The following ENKUR variants were observed in gnomAD, a reference collection of about 807,000 sequenced individuals.
ENKUR encodes enkurin.
Under a neutral mutation model 27.6 loss-of-function variants are expected in ENKUR, and 19 were observed. That is an observed-to-expected ratio of 0.69 (90% confidence interval 0.48 to 1.01). The LOEUF (loss-of-function observed/expected upper bound fraction) is 1.01. Among genes scored for constraint, ENKUR ranks in the 50% least tolerant of loss-of-function variants. ENKUR has a pLI of 0.00. For synonymous variants in ENKUR, 117 were observed against 96.9 expected (o/e 1.21, Z -1.22); for missense variants, 312 against 310.5 (o/e 1.00, Z -0.04).
chr10:25,061,374 AAGG>A, intron 1 of ENKUR: 1 of 556,780 alleles, frequency 1.8e-6, no homozygotes. Context: ...TGGGCTCTGG[AAGG>A]AGGAGTAACA....
At position 24,983,108 on chromosome 10, in the gene ENKUR, G is replaced by T. The variant is rs899770596; in HGVS notation, c.*1262C>A. On this transcript the variant is annotated 3_prime_UTR_variant, in exon 6 of 6. Transcript: ENST00000331161. ...GATCAACAGAGTCACCAGACAAAAGGAGACTGGGTCCCTGAGTGACTGCAT... is the reference window on the plus strand; with the variant it reads ...GATCAACAGAGTCACCAGACAAAAGTAGACTGGGTCCCTGAGTGACTGCAT... 6 of 152,198 alleles carry T rather than the reference G, an allele frequency of 3.9e-5. No individual in the cohort carries two copies. Among genetic ancestry groups the T allele is most frequent in the Non-Finnish European group, 8.8e-5 (6 of 68,044 alleles). The allele number at this position is 152,198 out of a possible 1,614,324, so 9.4% of individuals were successfully genotyped here. A position where few individuals can be genotyped will look rare whatever the true frequency, so the allele number is the denominator to read the frequency against.
In ENKUR at chr10:25,023,350, A is replaced by C. The variant is rs137957753; in HGVS notation, c.38-27481T>G. 1,168 of 1,614,054 alleles carry C rather than the reference A, an allele frequency of 7.2e-4. 1 individual carries two copies. The highest frequency in any genetic ancestry group is 9.3e-4 in the Non-Finnish European group (1,095 of 1,180,012). ...AAGAACCTTTGCACTTGCGGAATTG[A>C]GGAAGTCATGGTATTCAACCCACTC... On this transcript the variant is annotated intron_variant, in intron 2 of 5. Transcript: ENST00000615958.
intron 1 of ENKUR, among the ~76,000 whole-genome samples, chr10:25,006,531 C>G (rs1850317979): frequency 6.6e-6 from 1 of 152,186 alleles, no homozygotes; most frequent in Admixed American, 6.5e-5. Flanking sequence ...TTGTTTCAGA[C>G]TTTAAGCAAA....
At chr10:25,056,027 T>C (rs1851252150) in intron 2 of ENKUR, among the ~76,000 whole-genome samples, 1 of 147,670 alleles carries the variant, frequency 6.8e-6, no homozygotes, top group African/African-American at 2.4e-5. Flanking sequence ...ATTGTCATTA[T>C]AAGGGCCATT....
intron 2 of ENKUR, among the ~76,000 whole-genome samples, chr10:25,049,312 CTG>C (rs972229300): frequency 1.3e-5 from 2 of 151,992 alleles, no homozygotes; most frequent in Non-Finnish European, 2.9e-5. Context: ...ACTGGGGAAA[CTG>C]TGATAAACAA....
chr10:25,008,276 T>C (rs1850360364), intron 1 of ENKUR, among the ~76,000 whole-genome samples: 1 of 152,176 alleles, frequency 6.6e-6, no homozygotes, highest in South Asian at 2.1e-4. Flanking sequence ...TAGTCTAGAC[T>C]TTCTTTGAAT....
At chr10:25,001,646 G>A (rs574902159) in intron 1 of ENKUR, among the ~76,000 whole-genome samples, 4 of 151,868 alleles carry the variant, frequency 2.6e-5, no homozygotes, top group South Asian at 2.1e-4. Flanking sequence ...TCTTAGCTGC[G>A]TTAATCCAAT....
chr10:25,031,487 A>G (rs1850934770), intron 2 of ENKUR, among the ~76,000 whole-genome samples: 1 of 152,154 alleles, frequency 6.6e-6, no homozygotes, highest in African/African-American at 2.4e-5. Context: ...GCTAAACTGA[A>G]CCCAGTCAAC....
chr10:25,048,951 A>G (rs1193914499), intron 2 of ENKUR, among the ~76,000 whole-genome samples: 1 of 152,166 alleles, frequency 6.6e-6, no homozygotes, highest in Non-Finnish European at 1.5e-5. Context: ...AATCAGAAAG[A>G]AAGAGGAAGG....
chr10:25,007,192 A>G (rs962131672), intron 1 of ENKUR, among the ~76,000 whole-genome samples: 2 of 152,188 alleles, frequency 1.3e-5, no homozygotes, highest in Non-Finnish European at 2.9e-5. Flanking sequence ...ATTCTCATAT[A>G]CAATATATTG....
intron 2 of ENKUR, among the ~76,000 whole-genome samples, chr10:25,034,129 C>A (rs1165543147): frequency 6.6e-6 from 1 of 151,894 alleles, no homozygotes; most frequent in Non-Finnish European, 1.5e-5. Context: ...TCTGTGAAAT[C>A]AAAAATTTAC....
intron 4 of ENKUR, among the ~76,000 whole-genome samples, chr10:24,985,225 T>C (rs1849755472): frequency 6.6e-6 from 1 of 152,184 alleles, no homozygotes; most frequent in Admixed American, 6.5e-5. Context: ...TCACAGCAAA[T>C]GCATGGGTAA....
At chr10:24,986,351 C>G (rs565254463) in intron 4 of ENKUR, among the ~76,000 whole-genome samples, 1 of 152,126 alleles carries the variant, frequency 6.6e-6, no homozygotes, top group South Asian at 2.1e-4. Flanking sequence ...AATTATGAGG[C>G]CTTCTTGAGT....
At chr10:24,996,323 G>A (rs982026418) in intron 2 of ENKUR, among the ~76,000 whole-genome samples, 3 of 152,164 alleles carry the variant, frequency 2.0e-5, no homozygotes, top group African/African-American at 7.2e-5. Context: ...TCAGGAGGCT[G>A]AGGTGGGAGG....
intron 2 of ENKUR, among the ~76,000 whole-genome samples, chr10:25,055,542 T>C (rs1325344629): frequency 4.0e-5 from 2 of 50,468 alleles, no homozygotes; most frequent in Non-Finnish European, 7.1e-5. Flanking sequence ...TGAAACAAAT[T>C]GGCAAAAAAA....
chr10:24,998,525 C>A (rs111954593), intron 2 of ENKUR, among the ~76,000 whole-genome samples: 6 of 152,082 alleles, frequency 3.9e-5, no homozygotes, highest in African/African-American at 1.2e-4. Flanking sequence ...CAGGTGCATG[C>A]CATCACACCT....
Position 25,016,120 on chromosome 10 carries a change from A to C in ENKUR, c.-184T>G, listed in dbSNP as rs1486831986. The C allele has an allele frequency of 7.9e-7, 1 of 1,262,774 alleles. No homozygotes were observed. The highest frequency in any genetic ancestry group is 1.0e-6 in the Non-Finnish European group (1 of 1,002,532). 78.2% of individuals were successfully genotyped at this position (1,262,774 alleles called of 1,614,324 possible). A position where few individuals can be genotyped will look rare whatever the true frequency, so the allele number is the denominator to read the frequency against. Reference sequence around the variant, plus strand: ...AGCAGTCCTCTCTCGGGAAGAAAACACCCTATTTCTCTCCGGATTGCTAAG... The same window carrying C: ...AGCAGTCCTCTCTCGGGAAGAAAACCCCCTATTTCTCTCCGGATTGCTAAG... On this transcript the variant is annotated 5_prime_UTR_variant, in exon 1 of 6. Transcript: ENST00000331161.
At chr10:25,033,927 A>C (rs189784334) in intron 2 of ENKUR, among the ~76,000 whole-genome samples, 197 of 152,004 alleles carry the variant, frequency 1.3e-3, no homozygotes, top group East Asian at 5.8e-3. Flanking sequence ...CTCTCTCTCT[A>C]TATATATGTA....
At chr10:25,024,104 T>C in intron 2 of ENKUR, 1 of 1,614,206 alleles carries the variant, frequency 6.2e-7, no homozygotes, top group Non-Finnish European at 8.5e-7. Context: ...AGAGCACAGA[T>C]ACTGTTGGAA....
Sources: allele counts gnomAD v4.1 joint callset (sites outside exome capture counted in the v4.1 genomes callset), GRCh38; gene constraint gnomAD v4.1.1; transcripts MANE v1.5; gene names NCBI Gene and HGNC (gene_info 2026-07-23, HGNC 2026-07-21).